CNTN5: variants seen among roughly 807,000 people sequenced by gnomAD.
The protein encoded by CNTN5 is contactin-5.
A neutral mutation model predicts 129.1 loss-of-function variants in CNTN5; 77 were observed. That is an observed-to-expected ratio of 0.60 (90% confidence interval 0.50 to 0.72). The LOEUF (loss-of-function observed/expected upper bound fraction) is 0.72. Ranked by LOEUF, CNTN5 falls within the 30% of genes least tolerant of loss-of-function variation. The probability of loss-of-function intolerance (pLI) is 0.00; values close to 1 mark genes in which losing one functional copy is unlikely to be tolerated. For missense variants in CNTN5, 1,478 were observed against 1,328.8 expected (o/e 1.11, Z -1.75); for synonymous variants, 509 against 465.6 (o/e 1.09, Z -1.20).
chr11:99,208,879 T>C (rs2135661547), intron 1 of CNTN5, among the ~76,000 whole-genome samples: 1 of 152,246 alleles, frequency 6.6e-6, no homozygotes, highest in Admixed American at 6.5e-5. Flanking sequence ...GCCTTGTTTA[T>C]TAAAGATTAA....
chr11:99,349,475 CTG>C (rs2136078045), intron 2 of CNTN5, among the ~76,000 whole-genome samples: 1 of 152,262 alleles, frequency 6.6e-6, no homozygotes, highest in East Asian at 1.9e-4. Flanking sequence ...TGAATTTAAT[CTG>C]ACTTAGTCCT....
At chr11:99,383,600 T>C (rs147055253) in intron 2 of CNTN5, among the ~76,000 whole-genome samples, 79 of 152,280 alleles carry the variant, frequency 5.2e-4, no homozygotes, top group African/African-American at 1.7e-3. Flanking sequence ...AAGCTGCTTT[T>C]TTTTTTTTCT....
chr11:99,900,238 T>C (rs1949319521), intron 6 of CNTN5, among the ~76,000 whole-genome samples: 1 of 151,846 alleles, frequency 6.6e-6, no homozygotes, highest in Admixed American at 6.6e-5. Flanking sequence ...TATTTGTTAC[T>C]TTTTTCTGCT....
rs958118272 is a variant in CNTN5, at chr11:99,693,220, G to A, written c.56-126324G>A. On this transcript the variant is annotated intron_variant, in intron 3 of 24. Transcript: ENST00000524871. Reference sequence around the variant, plus strand: ...TTTCAGTACCTGTGTGCACAGCACAGAAAATACAAATATATTTAAGGCTCA... The same window carrying A: ...TTTCAGTACCTGTGTGCACAGCACAAAAAATACAAATATATTTAAGGCTCA... 5.4e-4 allele frequency among the ~76,000 whole-genome samples: 82 copies of A among 152,030 alleles called. 2 individuals carry two copies. Among genetic ancestry groups the A allele is most frequent in the Non-Finnish European group, 1.6e-4 (11 of 67,992 alleles).
At chr11:99,089,744 A>C (rs963820275) in intron 1 of CNTN5, among the ~76,000 whole-genome samples, 3 of 152,256 alleles carry the variant, frequency 2.0e-5, no homozygotes, top group Non-Finnish European at 4.4e-5. Flanking sequence ...AACTCTAAAC[A>C]ATACGGGACA....
At chr11:99,113,089 A>C (rs1209615522) in intron 1 of CNTN5, among the ~76,000 whole-genome samples, 1 of 152,078 alleles carries the variant, frequency 6.6e-6, no homozygotes, top group Admixed American at 6.6e-5. Flanking sequence ...GAATTAACTA[A>C]AATATAATCT....
At chr11:100,310,091 T>A (rs917421930) in intron 21 of CNTN5, among the ~76,000 whole-genome samples, 1 of 151,916 alleles carries the variant, frequency 6.6e-6, no homozygotes, top group Non-Finnish European at 1.5e-5. Context: ...CCTGTAAGCA[T>A]CCTCACAGTA....
At position 100,041,216 on chromosome 11, in the gene CNTN5, C is replaced by T. The variant is rs188949065; in HGVS notation, c.981-19996C>T. Among the ~76,000 whole-genome samples, 204 of 152,266 alleles carry T rather than the reference C, an allele frequency of 1.3e-3. 1 individual carries two copies. The highest frequency in any genetic ancestry group is 4.7e-3 in the African/African-American group (194 of 41,542). ...TCCTAGAATATTTTTTATCTCTCTT[C>T]CTTGTCTAAATAACTCCTACCAATT... is the stretch of plus-strand genomic sequence containing the variant. On this transcript the variant is annotated intron_variant, in intron 9 of 24. Transcript: ENST00000524871.
chr11:99,596,804 A>G (rs899669019), intron 3 of CNTN5, among the ~76,000 whole-genome samples: 7 of 152,202 alleles, frequency 4.6e-5, no homozygotes, highest in Non-Finnish European at 1.0e-4. Flanking sequence ...AAAGATGTCC[A>G]TCAGGCCAAA....
intron 19 of CNTN5, among the ~76,000 whole-genome samples, chr11:100,298,357 AT>A (rs2138886453): frequency 6.6e-6 from 1 of 151,510 alleles, no homozygotes; most frequent in African/African-American, 2.4e-5. Context: ...CTACAGAGGT[AT>A]TAACTTTCCA....
At chr11:99,094,184 T>C (rs1047995265) in intron 1 of CNTN5, among the ~76,000 whole-genome samples, 4 of 151,956 alleles carry the variant, frequency 2.6e-5, no homozygotes, top group African/African-American at 9.7e-5. Context: ...ATATCTATCA[T>C]TCTCACAAAA....
intron 1 of CNTN5, among the ~76,000 whole-genome samples, chr11:99,154,188 C>T (rs1381487075): frequency 6.6e-6 from 1 of 152,166 alleles, no homozygotes; most frequent in Non-Finnish European, 1.5e-5. Flanking sequence ...GGGGAAGCAG[C>T]AGGAGCAGGG....
intron 3 of CNTN5, among the ~76,000 whole-genome samples, chr11:99,706,795 G>A (rs913325249): frequency 1.1e-3 from 157 of 149,308 alleles, no homozygotes; most frequent in Non-Finnish European, 2.1e-3. Context: ...AAAGACAGAG[G>A]TGTTCTTCCT....
At chr11:99,881,563 AG>A (rs1408815047) in intron 6 of CNTN5, among the ~76,000 whole-genome samples, 1 of 152,186 alleles carries the variant, frequency 6.6e-6, no homozygotes, top group African/African-American at 2.4e-5. Flanking sequence ...ATATGTCAAA[AG>A]GGATTTAAGG....
intron 1 of CNTN5, among the ~76,000 whole-genome samples, chr11:99,132,066 T>C (rs549912371): frequency 6.6e-6 from 1 of 152,316 alleles, no homozygotes; most frequent in South Asian, 2.1e-4. Flanking sequence ...CAAGTCAGTG[T>C]CATCCCCAGA....
At chr11:99,789,594 C>T (rs1332703793) in intron 3 of CNTN5, among the ~76,000 whole-genome samples, 1 of 151,844 alleles carries the variant, frequency 6.6e-6, no homozygotes, top group African/African-American at 2.4e-5. Context: ...GGATTCCTTC[C>T]AGGTTTGATA....
chr11:100,331,669 G>A (rs748210822), intron 21 of CNTN5, among the ~76,000 whole-genome samples: 8 of 151,988 alleles, frequency 5.3e-5, no homozygotes, highest in Non-Finnish European at 1.0e-4. Context: ...TTGGAGATGA[G>A]TTCAAAAAGG....
At chr11:99,667,897 A>G (rs552449567) in intron 3 of CNTN5, among the ~76,000 whole-genome samples, 6 of 152,198 alleles carry the variant, frequency 3.9e-5, no homozygotes, top group South Asian at 2.1e-4. Context: ...TGGCACCCAT[A>G]TACCTATGTA....
chr11:99,568,563 CTT>C (rs771030685), intron 3 of CNTN5, among the ~76,000 whole-genome samples: 55 of 152,272 alleles, frequency 3.6e-4, no homozygotes, highest in Non-Finnish European at 7.4e-4. Flanking sequence ...ATTCAGGTCT[CTT>C]TGGAATATAA....
Sources: gnomAD v4.1 joint callset for allele counts (sites outside exome capture counted in the v4.1 genomes callset) on GRCh38, gnomAD v4.1.1 for gene constraint, MANE v1.5 for transcripts, NCBI Gene and HGNC (gene_info 2026-07-23, HGNC 2026-07-21) for gene names.